MFGE8: variants seen among roughly 807,000 people sequenced by gnomAD.
MFGE8 encodes milk fat globule EGF and factor V/VIII domain containing.
Under a neutral mutation model 42.6 loss-of-function variants are expected in MFGE8, and 34 were observed. The ratio of observed to expected loss-of-function variants is 0.80; its 90% CI spans 0.61 to 1.06. The LOEUF is 1.06. Ranked by LOEUF, MFGE8 falls within the 50% of genes least tolerant of loss-of-function variation. MFGE8 has a pLI of 0.00. For missense variants in MFGE8, 510 were observed against 516.9 expected (o/e 0.99, Z 0.13); for synonymous variants, 230 against 214.8 (o/e 1.07, Z -0.62).
intron 1 of MFGE8, 78 bp from the exon 2 acceptor site, chr15:88,910,001 C>G: frequency 6.3e-7 from 1 of 1,580,456 alleles, no homozygotes; most frequent in Non-Finnish European, 8.7e-7. Context: ...CAGATGGGTC[C>G]AGCCCAAAAG....
rs573143520 is a variant in MFGE8 at position 88,906,575 on chromosome 15, C to G, written c.540+51G>C. 2.9e-5 allele frequency: 46 copies of G among 1,610,430 alleles called. No homozygotes were observed. The South Asian group carries it at 4.7e-4, about 17-fold the overall frequency. Reference sequence around the variant, plus strand: ...TGGGGGTCCTCAGTCAATGCTAGAACCTTAGGGGGTATGGACCACAGCCCT... The same window carrying G: ...TGGGGGTCCTCAGTCAATGCTAGAAGCTTAGGGGGTATGGACCACAGCCCT... On this transcript the variant is annotated intron_variant, in intron 4 of 7. Transcript: ENST00000268150. This position sits in a 1 kb window ranked among gnomAD's most constrained non-coding sequence, Gnocchi z 4.2.
chr15:88,912,482 A>G lies in MFGE8; in HGVS notation c.73+765T>C, dbSNP rs1340999578. 3.0e-6 allele frequency: 3 copies of G among 985,274 alleles called. No homozygotes were observed. The Admixed American group carries it at 1.8e-4, about 61-fold the overall frequency. The allele number at this position is 985,274 out of a possible 1,614,324, so 61.0% of individuals were successfully genotyped here. On this transcript the variant is annotated intron_variant, in intron 1 of 7. Coordinates refer to ENST00000268150, the MANE Select transcript of MFGE8 (RefSeq NM_005928.4). The stretch of plus-strand genomic sequence containing the variant: ...AAAATGATGGAGGGGCCACCTAAAG[A>G]GTCCTGGCCCTGACTCCCTCCCAGC...
At chr15:88,912,683 C>T (rs1899022691) in intron 1 of MFGE8, 1 of 985,270 alleles carries the variant, frequency 1.0e-6, no homozygotes, top group Admixed American at 6.1e-5. Flanking sequence ...TTCCAAGCTC[C>T]TCGAAGCCTC....
intron 1 of MFGE8, among the ~76,000 whole-genome samples, chr15:88,911,705 C>T (rs367643799): frequency 4.6e-4 from 69 of 150,840 alleles, no homozygotes; most frequent in African/African-American, 1.6e-3. Flanking sequence ...CCAGCCTGGG[C>T]GACACAGCAA....
chr15:88,899,389 T>C lies in MFGE8; in HGVS notation c.*6A>G. On this transcript the variant is annotated 3_prime_UTR_variant, in exon 8 of 8. Coordinates refer to ENST00000268150, the MANE Select transcript of MFGE8 (RefSeq NM_005928.4). The surrounding 1 kb of genome is among the most constrained non-coding windows in gnomAD (Gnocchi z 6.8). Reference sequence around the variant, plus strand: ...AGCAGGAAGACCTGGGGGTGGCAGGTGGCCACTAACAGCCCAGCAGCTCCA... The same window carrying C: ...AGCAGGAAGACCTGGGGGTGGCAGGCGGCCACTAACAGCCCAGCAGCTCCA... The C allele has an allele frequency of 5.0e-6, 8 of 1,613,934 alleles. No individual in the cohort carries two copies. In the South Asian group the frequency reaches 7.7e-5, roughly 16 times the overall value.
At chr15:88,901,062 CACAT>C (rs1365746495) in intron 6 of MFGE8, among the ~76,000 whole-genome samples, 1 of 134,194 alleles carries the variant, frequency 7.5e-6, no homozygotes, top group Non-Finnish European at 1.6e-5. Flanking sequence ...CATACACATT[CACAT>C]ACACATTCAC....
In MFGE8 at chr15:88,909,647, T is replaced by C. The variant is rs1898862988; in HGVS notation, c.205+145A>G. On this transcript the variant is annotated intron_variant, in intron 2 of 7. Coordinates refer to ENST00000268150, the MANE Select transcript of MFGE8 (RefSeq NM_005928.4). ...CTAACTGAGGCTCTGTCTCTCTCTC[T>C]GAGTCTCCCCAGAGGAGGCCTTGAC... 1.3e-5 allele frequency: 15 copies of C among 1,177,138 alleles called. No homozygotes were observed. The East Asian group carries it at 3.6e-4, about 28-fold the overall frequency. The allele number at this position is 1,177,138 out of a possible 1,614,324, so 72.9% of individuals were successfully genotyped here.
rs1287015870 is a variant in MFGE8, at chr15:88,899,209, C to T, written c.*186G>A. On this transcript the variant is annotated 3_prime_UTR_variant, in exon 8 of 8. Transcript: ENST00000268150. The surrounding 1 kb of genome is among the most constrained non-coding windows in gnomAD (Gnocchi z 6.8). ...GGGGTTAGGGGACGGGGCTTAGGGG[C>T]TGGGGCAGGGCCCGTGAGAGGTGGA... The T allele has an allele frequency of 2.0e-5, 15 of 745,808 alleles. No homozygotes were observed. The highest frequency in any genetic ancestry group is 2.8e-5 in the Non-Finnish European group (13 of 461,864). The allele number at this position is 745,808 out of a possible 1,614,324, so 46.2% of individuals were successfully genotyped here.
intron 1 of MFGE8, chr15:88,912,041 C>G (rs1262874058): frequency 1.3e-5 from 14 of 1,105,974 alleles, no homozygotes; most frequent in Non-Finnish European, 1.7e-5. Context: ...ACTGCACCGG[C>G]CCTCTCCCTA....
At chr15:88,901,512 A>ACCCCACCCCCCCCCC in intron 6 of MFGE8, 39 bp downstream of exon 6, 1 of 667,134 alleles carries the variant, frequency 1.5e-6, no homozygotes, top group Non-Finnish European at 2.7e-6. Flanking sequence ...ACCTCATCCC[A>ACCCCACCCCCCCCCC]CCCAACCCCA....
rs1898238143 is a variant in MFGE8 at position 88,899,078 on chromosome 15, G to A, written c.*317C>T. ...GAGACACACGCACCTGGGATCGGCGGTCCGGACAGGGGCAGGGAAACCACA... is the reference window on the plus strand; with the variant it reads ...GAGACACACGCACCTGGGATCGGCGATCCGGACAGGGGCAGGGAAACCACA... On this transcript the variant is annotated 3_prime_UTR_variant, in exon 8 of 8. Transcript: ENST00000268150. The surrounding 1 kb of genome is among the most constrained non-coding windows in gnomAD (Gnocchi z 6.8). The A allele has an allele frequency of 2.2e-6, 1 of 445,818 alleles. No homozygotes were observed. The highest frequency in any genetic ancestry group is 2.0e-5 in the African/African-American group (1 of 50,372). 27.6% of individuals were successfully genotyped at this position (445,818 alleles called of 1,614,324 possible).
rs1284699549 is a variant in MFGE8, at chr15:88,902,835, G to C, written c.686-1100C>G. The C allele has an allele frequency of 6.6e-6, 1 of 152,120 alleles. No homozygotes were observed. The highest frequency in any genetic ancestry group is 1.5e-5 in the Non-Finnish European group (1 of 68,060). 9.4% of individuals were successfully genotyped at this position (152,120 alleles called of 1,614,324 possible). ...TTGAGGGAGGCAGGAGTGGACGGTGGGACTGGAGAGCCCCCTGCCCTCTGG... is the reference window on the plus strand; with the variant it reads ...TTGAGGGAGGCAGGAGTGGACGGTGCGACTGGAGAGCCCCCTGCCCTCTGG... On this transcript the variant is annotated intron_variant, in intron 5 of 7. Transcript: ENST00000268150. This position sits in a 1 kb window ranked among gnomAD's most constrained non-coding sequence, Gnocchi z 4.3.
In MFGE8 at chr15:88,905,568, A is replaced by G; in HGVS notation, c.685+189T>C. 1 of 751,198 alleles carries G rather than the reference A, an allele frequency of 1.3e-6. No homozygotes were observed. Among genetic ancestry groups the G allele is most frequent in the Non-Finnish European group, 2.3e-6 (1 of 430,158 alleles). The allele number at this position is 751,198 out of a possible 1,614,324, so 46.5% of individuals were successfully genotyped here. A position where few individuals can be genotyped will look rare whatever the true frequency, so the allele number is the denominator to read the frequency against. On this transcript the variant is annotated intron_variant, in intron 5 of 7. Coordinates refer to ENST00000268150, the MANE Select transcript of MFGE8 (RefSeq NM_005928.4). This position sits in a 1 kb window ranked among gnomAD's most constrained non-coding sequence, Gnocchi z 6.6. ...AATGCCCTGGGTCATGGGTTGGCAGACAGCAAACACCTGGGTGGGGCTGCT... is the reference window on the plus strand; with the variant it reads ...AATGCCCTGGGTCATGGGTTGGCAGGCAGCAAACACCTGGGTGGGGCTGCT...
At chr15:88,900,789 A>G (rs1898322129) in intron 6 of MFGE8, 6 of 973,214 alleles carry the variant, frequency 6.2e-6, no homozygotes, top group Non-Finnish European at 7.3e-6. Flanking sequence ...GGGCTGTCAC[A>G]TGGTGGCTTC....
chr15:88,908,166 G>C (rs1898788143), intron 2 of MFGE8, among the ~76,000 whole-genome samples: 2 of 152,104 alleles, frequency 1.3e-5, no homozygotes, highest in African/African-American at 4.8e-5. Flanking sequence ...CCACCTACAG[G>C]CCAAGCTTCT....
In MFGE8 at chr15:88,907,296, AG is replaced by A; in HGVS notation, c.285del (p.Leu96TrpfsTer13). ...TCCGGGACCCAATGCTGCAAACCCA[AG>A]AAGGTCACACGCACAGACGAGGCGG... is the stretch of plus-strand genomic sequence containing the variant. ...QIAASSVRVT[F>X]LGLQHWVPEL... On this transcript the variant is annotated frameshift_variant, in exon 3 of 8. Coordinates refer to ENST00000268150, the MANE Select transcript of MFGE8 (RefSeq NM_005928.4). LOFTEE classifies it high-confidence loss of function. 1 of 1,614,202 alleles carries A rather than the reference AG, an allele frequency of 6.2e-7. No homozygotes were observed. Among genetic ancestry groups the A allele is most frequent in the Non-Finnish European group, 8.5e-7 (1 of 1,180,024 alleles).
chr15:88,907,040 G>T (rs552482268), intron 3 of MFGE8, among the ~76,000 whole-genome samples, 155 bp downstream of exon 3: 378 of 152,300 alleles, frequency 2.5e-3, no homozygotes, highest in Non-Finnish European at 4.0e-3. Flanking sequence ...GTTCCTCCAG[G>T]GATGCCATCC....
Position 88,899,611 on chromosome 15 carries a change from G to A in MFGE8, c.1026+45C>T, listed in dbSNP as rs1370250873. 3 of 1,614,192 alleles carry A rather than the reference G, an allele frequency of 1.9e-6. No individual in the cohort carries two copies. The highest frequency in any genetic ancestry group is 1.7e-5 in the Admixed American group (1 of 60,030). On this transcript the variant is annotated intron_variant, in intron 7 of 7. Transcript: ENST00000268150. The surrounding 1 kb of genome is among the most constrained non-coding windows in gnomAD (Gnocchi z 6.8). ...AGCCCCAGGCCAGACTCCCAGGGAA[G>A]TAATGAAGGAATGGCAAAGGGTGGG...
At chr15:88,901,263 G>T (rs768468629) in intron 6 of MFGE8, among the ~76,000 whole-genome samples, 19 of 97,940 alleles carry the variant, frequency 1.9e-4, no homozygotes, top group South Asian at 8.0e-4. Context: ...GCATTCACAC[G>T]CACGCATTCA....
Sources: allele counts gnomAD v4.1 joint callset (sites outside exome capture counted in the v4.1 genomes callset), GRCh38; gene constraint gnomAD v4.1.1; non-coding constraint Gnocchi (gnomAD v3.1); transcripts MANE v1.5; gene names NCBI Gene and HGNC (gene_info 2026-07-23, HGNC 2026-07-21).